TPST1: variants seen among roughly 807,000 people sequenced by gnomAD.
The protein encoded by TPST1 is protein-tyrosine sulfotransferase 1.
Under a neutral mutation model 34.8 loss-of-function variants are expected in TPST1, and 20 were observed. The ratio of observed to expected loss-of-function variants is 0.57; its 90% CI spans 0.40 to 0.84. TPST1 has a LOEUF of 0.84. TPST1 is among the 40% of genes least tolerant of loss of function. TPST1 has a pLI of 0.00. For missense variants in TPST1, 353 were observed against 455.5 expected (o/e 0.78, Z 2.05); for synonymous variants, 152 against 159.4 (o/e 0.95, Z 0.35).
intron 5 of TPST1, among the ~76,000 whole-genome samples, chr7:66,358,296 A>AT (rs1028640513): frequency 2.1e-4 from 31 of 150,126 alleles, no homozygotes; most frequent in Non-Finnish European, 8.9e-5. Context: ...ATTGATAGTG[A>AT]TTTTTTCTCA....
intron 2 of TPST1, among the ~76,000 whole-genome samples, chr7:66,282,546 C>G (rs1179618744): frequency 6.6e-6 from 1 of 152,164 alleles, no homozygotes; most frequent in Admixed American, 6.5e-5. Flanking sequence ...TCCTCAGTCT[C>G]TTAGGATCAG....
At chr7:66,241,624 A>T (rs759648833) in intron 2 of TPST1, among the ~76,000 whole-genome samples, 1 of 152,126 alleles carries the variant, frequency 6.6e-6, no homozygotes, top group African/African-American at 2.4e-5. Context: ...CTGATTTCTA[A>T]TTTCTAGATA....
At chr7:66,201,370 C>T (rs1409614091), upstream of TPST1, among the ~76,000 whole-genome samples, 1 of 145,934 alleles carries the variant, frequency 6.9e-6, no homozygotes. Flanking sequence ...ATAGCAAGAT[C>T]CCATCTCTAC....
chr7:66,253,738 A>T (rs2115643820), intron 2 of TPST1, among the ~76,000 whole-genome samples: 2 of 151,710 alleles, frequency 1.3e-5, no homozygotes, highest in South Asian at 4.2e-4. Flanking sequence ...CTGCAGTTTT[A>T]GAAAATGTCT....
chr7:66,359,852 C>T (rs917437419), intron 5 of TPST1, 43 bp from the exon 6 acceptor site: 5 of 456,174 alleles, frequency 1.1e-5, no homozygotes, highest in South Asian at 3.1e-5. Context: ...GAGAACACAC[C>T]GGGACTCCAC....
At chr7:66,354,522 CAAAAAAAAAAAAAA>C (rs66521537) in intron 4 of TPST1, among the ~76,000 whole-genome samples, 1 of 60,814 alleles carries the variant, frequency 1.6e-5, no homozygotes, top group African/African-American at 8.0e-5. Flanking sequence ...GAGTCTGTCT[CAAAAAAAAAAAAAA>C]AAAAAAAAAA....
Position 66,351,835 on chromosome 7 carries a change from A to C in TPST1, c.1045-670A>C, listed in dbSNP as rs558828784. ...TTATAGTTTTCTGTGTTAAGGTTTT[A>C]TATATCTTTTATTGATTTACTCTTA... is the stretch of plus-strand genomic sequence containing the variant. On this transcript the variant is annotated intron_variant, in intron 3 of 5. Transcript: ENST00000304842. Among the ~76,000 whole-genome samples the C allele has an allele frequency of 1.2e-4, 19 of 152,232 alleles. No individual in the cohort carries two copies. The South Asian group carries it at 3.7e-3, about 30-fold the overall frequency.
At chr7:66,266,900 CTG>C (rs1790604041) in intron 2 of TPST1, among the ~76,000 whole-genome samples, 2 of 152,046 alleles carry the variant, frequency 1.3e-5, no homozygotes, top group Admixed American at 6.5e-5. Context: ...ACAAAAGAGA[CTG>C]TTGAGGGGCT....
At chr7:66,272,587 CTT>C (rs555211164) in intron 2 of TPST1, among the ~76,000 whole-genome samples, 1 of 135,850 alleles carries the variant, frequency 7.4e-6, no homozygotes. Context: ...CACCCCAATT[CTT>C]TTTTTTTTTT....
chr7:66,224,901 C>CTTTGTTTTTTTTTT (rs1789616903), intron 1 of TPST1, among the ~76,000 whole-genome samples: 1 of 42,410 alleles, frequency 2.4e-5, no homozygotes, highest in Non-Finnish European at 3.9e-5. Context: ...TTCTGGTATT[C>CTTTGTTTTTTTTTT]TTTTTTTTTT....
intron 3 of TPST1, among the ~76,000 whole-genome samples, chr7:66,299,005 A>G (rs1015803332): frequency 5.3e-5 from 8 of 152,060 alleles, no homozygotes; most frequent in African/African-American, 1.9e-4. Context: ...GGGCACCTGT[A>G]GTCCCAGCTA....
chr7:66,355,252 T>C (rs1792559153), intron 4 of TPST1, among the ~76,000 whole-genome samples: 1 of 151,226 alleles, frequency 6.6e-6, no homozygotes, highest in Admixed American at 6.6e-5. Flanking sequence ...GGCGGCTGGA[T>C]CACGAGGGCA....
At chr7:66,253,806 G>A (rs144737281) in intron 2 of TPST1, among the ~76,000 whole-genome samples, 3,242 of 151,824 alleles carry the variant, frequency 0.021, 45 homozygotes, top group Middle Eastern at 0.075. Flanking sequence ...GGGAGGCTGA[G>A]GTGGGCGGAT....
chr7:66,244,709 A>G (rs899963154), intron 2 of TPST1, among the ~76,000 whole-genome samples: 1 of 152,240 alleles, frequency 6.6e-6, no homozygotes, highest in African/African-American at 2.4e-5. Flanking sequence ...ACTCATTATG[A>G]TACCATGAAA....
At chr7:66,325,501 C>G (rs1049613973) in intron 3 of TPST1, among the ~76,000 whole-genome samples, 3 of 151,974 alleles carry the variant, frequency 2.0e-5, no homozygotes, top group African/African-American at 4.8e-5. Flanking sequence ...CCCCCTCCCC[C>G]CAAGACAGGG....
intron 5 of TPST1, among the ~76,000 whole-genome samples, chr7:66,358,882 T>C (rs1392335558): frequency 6.6e-6 from 1 of 152,186 alleles, no homozygotes; most frequent in African/African-American, 2.4e-5. Flanking sequence ...CATCAGCAGT[T>C]GCCTCTGCAG....
chr7:66,252,041 A>G (rs1790272271), intron 2 of TPST1, among the ~76,000 whole-genome samples: 1 of 152,126 alleles, frequency 6.6e-6, no homozygotes, highest in Non-Finnish European at 1.5e-5. Context: ...TATGAGCAGT[A>G]TGCATATTCC....
intron 2 of TPST1, among the ~76,000 whole-genome samples, chr7:66,247,385 G>A (rs1790170520): frequency 6.6e-6 from 1 of 152,154 alleles, no homozygotes; most frequent in South Asian, 2.1e-4. Flanking sequence ...CTGAGGTCGT[G>A]CCACTGCACT....
At chr7:66,338,122 T>G (rs1205803051) in intron 3 of TPST1, among the ~76,000 whole-genome samples, 1 of 151,844 alleles carries the variant, frequency 6.6e-6, no homozygotes. Flanking sequence ...AAGCACAGAC[T>G]GAAAGTGAAG....
Sources: gnomAD v4.1 joint callset for allele counts (sites outside exome capture counted in the v4.1 genomes callset) on GRCh38, gnomAD v4.1.1 for gene constraint, MANE v1.5 for transcripts, NCBI Gene and HGNC (gene_info 2026-07-23, HGNC 2026-07-21) for gene names.